GALNT8: variants seen among roughly 807,000 people sequenced by gnomAD.
The protein encoded by GALNT8 is polypeptide N-acetylgalactosaminyltransferase 8, also known as probable polypeptide N-acetylgalactosaminyltransferase 8.
Under a neutral mutation model 62.7 loss-of-function variants are expected in GALNT8, and 66 were observed. The observed-to-expected ratio is 1.05, with a 90% CI of 0.86 to 1.29. The LOEUF is 1.29. Ranked by LOEUF, GALNT8 falls within the 50% of genes most tolerant of loss-of-function variation. The pLI is 0.00. For missense variants in GALNT8, 771 were observed against 791.8 expected (o/e 0.97, Z 0.32); for synonymous variants, 288 against 294.3 (o/e 0.98, Z 0.22).
chr12:4,746,078 G>A, intron 5 of GALNT8, 66 bp from the exon 6 acceptor site: 2 of 880,984 alleles, frequency 2.3e-6, no homozygotes, highest in Non-Finnish European at 3.8e-6. Flanking sequence ...AATAATCATT[G>A]AGCATCCCAC....
rs563552567 is a variant in GALNT8, at chr12:4,733,990, T to C, written c.510-5173T>C. 4.6e-5 allele frequency among the ~76,000 whole-genome samples: 7 copies of C among 152,286 alleles called. No individual in the cohort carries two copies. In the South Asian group the frequency reaches 1.2e-3, roughly 27 times the overall value. On this transcript the variant is annotated intron_variant, in intron 2 of 10. Transcript: ENST00000252318. ...GCTCCTAGCTCAGTGAATGTTGCCA[T>C]TGTCTACGTAATAATGACAACAAGA... is the stretch of plus-strand genomic sequence containing the variant.
chr12:4,730,916 C>T (rs944384441), intron 2 of GALNT8, among the ~76,000 whole-genome samples: 11 of 147,438 alleles, frequency 7.5e-5, no homozygotes, highest in Non-Finnish European at 1.3e-4. Context: ...CCAGCAATCT[C>T]GGCTCACTGC....
In GALNT8 at chr12:4,745,403, G is replaced by T. The variant is rs1339526440; in HGVS notation, c.861-26G>T. On this transcript the variant is annotated intron_variant, in intron 4 of 10. Coordinates refer to ENST00000252318, the MANE Select transcript of GALNT8 (RefSeq NM_017417.2). ...TACTGCTTGTCCTCATATCCAAGCT[G>T]GGCTTTCTGCACACTCTTGTTCTAG... 4 of 1,503,218 alleles carry T rather than the reference G, an allele frequency of 2.7e-6. No individual in the cohort carries two copies. In the East Asian group the frequency reaches 6.8e-5, roughly 25 times the overall value. The allele number at this position is 1,503,218 out of a possible 1,614,324, so 93.1% of individuals were successfully genotyped here. A position where few individuals can be genotyped will look rare whatever the true frequency, so the allele number is the denominator to read the frequency against.
chr12:4,721,850 G>A (rs1471829979), intron 1 of GALNT8, among the ~76,000 whole-genome samples: 1 of 152,198 alleles, frequency 6.6e-6, no homozygotes, highest in Non-Finnish European at 1.5e-5. Context: ...TGGTCACATG[G>A]GGAGAAACCT....
chr12:4,734,131 G>A (rs1946232510), intron 2 of GALNT8, among the ~76,000 whole-genome samples: 1 of 152,148 alleles, frequency 6.6e-6, no homozygotes, highest in Admixed American at 6.6e-5. Flanking sequence ...TATGATGTGA[G>A]GATTACTCCT....
chr12:4,720,451 C>T lies in GALNT8; in HGVS notation c.-227C>T. ...AGCCGCTGAGCAACCTGTGGAAAGC[C>T]GCTGAGCGGTTATCCTCTCGGGGCA... On this transcript the variant is annotated 5_prime_UTR_variant, in exon 1 of 11. Coordinates refer to ENST00000252318, the MANE Select transcript of GALNT8 (RefSeq NM_017417.2). 7.3e-6 allele frequency: 4 copies of T among 545,350 alleles called. No homozygotes were observed. Among genetic ancestry groups the T allele is most frequent in the Non-Finnish European group, 1.3e-5 (4 of 303,568 alleles). 33.8% of individuals were successfully genotyped at this position (545,350 alleles called of 1,614,324 possible). A position where few individuals can be genotyped will look rare whatever the true frequency, so the allele number is the denominator to read the frequency against.
intron 3 of GALNT8, among the ~76,000 whole-genome samples, chr12:4,743,635 G>A (rs1038883833): frequency 1.3e-5 from 2 of 152,136 alleles, no homozygotes; most frequent in South Asian, 2.1e-4. Flanking sequence ...ACACAGCATA[G>A]GTTCACATCC....
rs1946164524 is a variant in GALNT8, at chr12:4,720,896, T to G, written c.211+8T>G. On this transcript the variant is annotated splice_region_variant and intron_variant, in intron 1 of 10. Coordinates refer to ENST00000252318, the MANE Select transcript of GALNT8 (RefSeq NM_017417.2). Reference sequence around the variant, plus strand: ...TGGAATTGCAGGATCTGAGTAAGTTTACAATGCTAACCTGGAAGGTGTGTG... The same window carrying G: ...TGGAATTGCAGGATCTGAGTAAGTTGACAATGCTAACCTGGAAGGTGTGTG... 1 of 1,519,158 alleles carries G rather than the reference T, an allele frequency of 6.6e-7. No individual in the cohort carries two copies. The highest frequency in any genetic ancestry group is 1.7e-5 in the Admixed American group (1 of 59,916). The allele number at this position is 1,519,158 out of a possible 1,614,324, so 94.1% of individuals were successfully genotyped here.
chr12:4,751,015 C>T (rs532209041), intron 6 of GALNT8, among the ~76,000 whole-genome samples: 6 of 152,242 alleles, frequency 3.9e-5, no homozygotes, highest in Middle Eastern at 3.4e-3. Context: ...CTGACAAAAA[C>T]AAGCAATGGG....
Position 4,732,418 on chromosome 12 carries a change from T to C in GALNT8, c.509+5589T>C, listed in dbSNP as rs377546282. Among the ~76,000 whole-genome samples the C allele has an allele frequency of 1.4e-3, 197 of 136,084 alleles. No homozygotes were observed. In the East Asian group the frequency reaches 0.024, roughly 17 times the overall value. 89.3% of individuals were successfully genotyped at this position (136,084 alleles called of 152,430 possible). On this transcript the variant is annotated intron_variant, in intron 2 of 10. Transcript: ENST00000252318. ...ACTTTTTCAGTATCTTCTGCTGCAC[T>C]GTTCAATATGATAGCTACTAGTCAC...
At chr12:4,738,319 C>T (rs1435417904) in intron 2 of GALNT8, among the ~76,000 whole-genome samples, 1 of 152,110 alleles carries the variant, frequency 6.6e-6, no homozygotes, top group African/African-American at 2.4e-5. Flanking sequence ...CTATAAAACT[C>T]TTAGAAAAAA....
chr12:4,761,083 C>G lies in GALNT8; in HGVS notation c.1299C>G (p.Ala433=), dbSNP rs766264335. The part of the protein sequence containing the change: ...AALKRNALRV[A]EIWMDEHKHM... Reference sequence around the variant, plus strand: ...TGAAGCGCAATGCTCTGCGAGTGGCCGAAATCTGGATGGATGAGCACAAAC... The same window carrying G: ...TGAAGCGCAATGCTCTGCGAGTGGCGGAAATCTGGATGGATGAGCACAAAC... Residue 433 remains alanine, a synonymous_variant, in exon 7 of 11, where the codon GCC becomes GCG. Transcript: ENST00000252318. The G allele has an allele frequency of 2.5e-6, 4 of 1,613,998 alleles. No individual in the cohort carries two copies. The highest frequency in any genetic ancestry group is 3.4e-6 in the Non-Finnish European group (4 of 1,179,996).
chr12:4,758,637 TGAGAGAGA>T (rs60343127), intron 6 of GALNT8, among the ~76,000 whole-genome samples: 52 of 59,740 alleles, frequency 8.7e-4, no homozygotes, highest in African/African-American at 1.5e-3. Context: ...TGTGTGTGTG[TGAGAGAGA>T]GAGAGAGAGA....
At chr12:4,765,337 A>G (rs756900398) in intron 9 of GALNT8, 42 bp from the exon 10 acceptor site, 11 of 1,455,110 alleles carry the variant, frequency 7.6e-6, no homozygotes, top group South Asian at 5.7e-5. Flanking sequence ...GACAATGCCT[A>G]TGGTGAGCCC....
intron 2 of GALNT8, among the ~76,000 whole-genome samples, chr12:4,731,135 C>T (rs1174239017): frequency 1.3e-5 from 2 of 152,136 alleles, no homozygotes; most frequent in Non-Finnish European, 2.9e-5. Context: ...CGCCCCCGGC[C>T]TGAGATGATT....
At chr12:4,731,671 A>G (rs1004764280) in intron 2 of GALNT8, among the ~76,000 whole-genome samples, 1 of 152,206 alleles carries the variant, frequency 6.6e-6, no homozygotes, top group Admixed American at 6.5e-5. Flanking sequence ...ATACCTAATT[A>G]GTTGAGATTT....
chr12:4,721,506 G>T (rs940678482), intron 1 of GALNT8, among the ~76,000 whole-genome samples: 7 of 152,132 alleles, frequency 4.6e-5, no homozygotes, highest in Non-Finnish European at 1.0e-4. Flanking sequence ...AAAGGTCTCT[G>T]CATCATAGAC....
chr12:4,753,678 A>G (rs1282318950), intron 6 of GALNT8, among the ~76,000 whole-genome samples: 1 of 152,120 alleles, frequency 6.6e-6, no homozygotes, highest in Non-Finnish European at 1.5e-5. Context: ...TGGTCCCTTC[A>G]TTCATTTGGT....
chr12:4,742,588 G>A (rs1419987748), intron 3 of GALNT8, among the ~76,000 whole-genome samples: 1 of 152,188 alleles, frequency 6.6e-6, no homozygotes, highest in Non-Finnish European at 1.5e-5. Flanking sequence ...AACCGTCAGT[G>A]AGCAAAAGAA....
Sources: gnomAD v4.1 joint callset for allele counts (sites outside exome capture counted in the v4.1 genomes callset) on GRCh38, gnomAD v4.1.1 for gene constraint, MANE v1.5 for transcripts, NCBI Gene and HGNC (gene_info 2026-07-23, HGNC 2026-07-21) for gene names.